ABHD13: variants seen among roughly 807,000 people sequenced by gnomAD.
ABHD13 encodes the protein abhydrolase domain containing 13, also known as protein ABHD13.
In ABHD13, 7 loss-of-function variants were observed where a neutral mutation model predicts 25.2. The observed-to-expected ratio is 0.28, with a 90% CI of 0.16 to 0.52. The LOEUF (loss-of-function observed/expected upper bound fraction) is 0.52. ABHD13 is among the 20% of genes least tolerant of loss of function. The pLI is 0.96. For synonymous variants in ABHD13, 133 were observed against 136.1 expected (o/e 0.98, Z 0.16); for missense variants, 302 against 402.7 (o/e 0.75, Z 2.14).
chr13:108,222,554 C>G (rs1002528468), intron 1 of ABHD13, among the ~76,000 whole-genome samples: 2 of 151,810 alleles, frequency 1.3e-5, no homozygotes, highest in Non-Finnish European at 2.9e-5. Flanking sequence ...GGTCTCAGAC[C>G]GTTTACATTT....
chr13:108,230,404 AT>A lies in ABHD13; in HGVS notation c.*174del, dbSNP rs1879777386. ...ATAGTTTTTTACATTGGAAAAACTA[AT>A]TCTTGGGATTCTTTCATACATTTTC... On this transcript the variant is annotated 3_prime_UTR_variant, in exon 2 of 2. Transcript: ENST00000375898. The A allele has an allele frequency of 1.8e-6, 1 of 564,200 alleles. No homozygotes were observed. The highest frequency in any genetic ancestry group is 1.9e-5 in the African/African-American group (1 of 51,938). 34.9% of individuals were successfully genotyped at this position (564,200 alleles called of 1,614,324 possible). A position where few individuals can be genotyped will look rare whatever the true frequency, so the allele number is the denominator to read the frequency against.
In ABHD13 at chr13:108,230,304, G is replaced by A. The variant is rs1021575243; in HGVS notation, c.*72G>A. On this transcript the variant is annotated 3_prime_UTR_variant, in exon 2 of 2. Transcript: ENST00000375898. ...GATAAAGAATGTTCCTTTTAGAAGT[G>A]TGTTATGTCTGTACCTGTCTGAAGA... 3.8e-6 allele frequency: 5 copies of A among 1,301,656 alleles called. No homozygotes were observed. The highest frequency in any genetic ancestry group is 2.5e-5 in the East Asian group (1 of 39,606). 80.6% of individuals were successfully genotyped at this position (1,301,656 alleles called of 1,614,324 possible).
Position 108,230,280 on chromosome 13 carries a change from A to G in ABHD13, c.*48A>G, listed in dbSNP as rs1161265803. On this transcript the variant is annotated 3_prime_UTR_variant, in exon 2 of 2. Transcript: ENST00000375898. ...ATTGTATTTTAATTTGTGCAGAATG[A>G]TAAAGAATGTTCCTTTTAGAAGTGT... The G allele has an allele frequency of 2.1e-6, 3 of 1,431,176 alleles. No homozygotes were observed. The highest frequency in any genetic ancestry group is 1.9e-6 in the Non-Finnish European group (2 of 1,068,366). The allele number at this position is 1,431,176 out of a possible 1,614,324, so 88.7% of individuals were successfully genotyped here.
rs1179247832 is a variant in ABHD13 at position 108,230,827 on chromosome 13, AT to A, written c.*596del. The A allele has an allele frequency of 6.0e-6, 1 of 166,826 alleles. No homozygotes were observed. The highest frequency in any genetic ancestry group is 1.9e-4 in the East Asian group (1 of 5,204). The allele number at this position is 166,826 out of a possible 1,614,324, so 10.3% of individuals were successfully genotyped here. Reference sequence around the variant, plus strand: ...TTGGCAAGAAGTGAAATTGAGACTTATGTGCAGGTTGCCATTGAATTTTGCT... The same window carrying A: ...TTGGCAAGAAGTGAAATTGAGACTTAGTGCAGGTTGCCATTGAATTTTGCT... On this transcript the variant is annotated 3_prime_UTR_variant, in exon 2 of 2. Transcript: ENST00000375898.
chr13:108,229,202 A>T lies in ABHD13; in HGVS notation c.-17A>T. 4 of 1,523,968 alleles carry T rather than the reference A, an allele frequency of 2.6e-6. No individual in the cohort carries two copies. Among genetic ancestry groups the T allele is most frequent in the Non-Finnish European group, 3.5e-6 (4 of 1,140,336 alleles). 94.4% of individuals were successfully genotyped at this position (1,523,968 alleles called of 1,614,324 possible). Reference sequence around the variant, plus strand: ...TATTCTCCCTCTCTCTCTCTAGGATACTTACAGAGAGCTACAATGGAAAAG... The same window carrying T: ...TATTCTCCCTCTCTCTCTCTAGGATTCTTACAGAGAGCTACAATGGAAAAG... On this transcript the variant is annotated 5_prime_UTR_variant, in exon 2 of 2. Transcript: ENST00000375898. The surrounding 1 kb of genome is among the most constrained non-coding windows in gnomAD (Gnocchi z 4.7).
intron 1 of ABHD13, among the ~76,000 whole-genome samples, chr13:108,222,299 C>A (rs749717062): frequency 5.3e-5 from 8 of 152,008 alleles, no homozygotes; most frequent in Non-Finnish European, 7.4e-5. Context: ...GCAATAATTA[C>A]AATGTATTTA....
chr13:108,218,820 G>C (rs1212755803), intron 1 of ABHD13, among the ~76,000 whole-genome samples, 161 bp downstream of exon 1: 3 of 151,744 alleles, frequency 2.0e-5, no homozygotes. Context: ...CCTGGGGGTC[G>C]TGCGGGGGCC....
chr13:108,225,597 C>G (rs1879656513), intron 1 of ABHD13, among the ~76,000 whole-genome samples: 1 of 152,088 alleles, frequency 6.6e-6, no homozygotes, highest in Non-Finnish European at 1.5e-5. Context: ...AGTCAGTCAG[C>G]AAGTTCTCAG....
At chr13:108,220,183 G>C (rs1879532127) in intron 1 of ABHD13, among the ~76,000 whole-genome samples, 1 of 152,250 alleles carries the variant, frequency 6.6e-6, no homozygotes, top group African/African-American at 2.4e-5. Flanking sequence ...TCAAAACACT[G>C]TCTCCTTTCC....
In ABHD13 at chr13:108,233,413, G is replaced by C. The variant is rs549421433; in HGVS notation, c.*3181G>C. 1.2e-3 allele frequency: 194 copies of C among 166,808 alleles called. No individual in the cohort carries two copies. Among genetic ancestry groups the C allele is most frequent in the Middle Eastern group, 6.8e-3 (2 of 296 alleles). The allele number at this position is 166,808 out of a possible 1,614,324, so 10.3% of individuals were successfully genotyped here. On this transcript the variant is annotated 3_prime_UTR_variant, in exon 2 of 2. Transcript: ENST00000375898. ...TCTCCTTGAGGATAGGGATAGGTAA[G>C]GTAAACTTGTAAAAAGGATGTCACA...
At chr13:108,219,079 TC>T (rs1879476025) in intron 1 of ABHD13, among the ~76,000 whole-genome samples, 1 of 151,598 alleles carries the variant, frequency 6.6e-6, no homozygotes, top group South Asian at 2.1e-4. Context: ...AACCCTCCGC[TC>T]CCCCACCCTC....
At chr13:108,221,344 G>A (rs143572758) in intron 1 of ABHD13, among the ~76,000 whole-genome samples, 2 of 152,270 alleles carry the variant, frequency 1.3e-5, no homozygotes, top group South Asian at 2.1e-4. Flanking sequence ...CAGCTGGCAT[G>A]GTTTCTTAAC....
chr13:108,220,492 T>C (rs1314770077), intron 1 of ABHD13, among the ~76,000 whole-genome samples: 1 of 152,260 alleles, frequency 6.6e-6, no homozygotes, highest in Admixed American at 6.5e-5. Context: ...TTTCTAATCC[T>C]TGTTTAGTTG....
At chr13:108,220,721 A>G (rs571476476) in intron 1 of ABHD13, among the ~76,000 whole-genome samples, 3 of 152,332 alleles carry the variant, frequency 2.0e-5, no homozygotes, top group South Asian at 2.1e-4. Flanking sequence ...GACTACATGC[A>G]TTTATGAGCT....
chr13:108,219,151 GC>G (rs1336517632), intron 1 of ABHD13, among the ~76,000 whole-genome samples: 1 of 152,094 alleles, frequency 6.6e-6, no homozygotes, highest in Non-Finnish European at 1.5e-5. Context: ...GAGAGGGAGA[GC>G]CCCGATCTAA....
At chr13:108,228,659 A>G (rs1248277478) in intron 1 of ABHD13, among the ~76,000 whole-genome samples, 1 of 151,344 alleles carries the variant, frequency 6.6e-6, no homozygotes, top group Non-Finnish European at 1.5e-5. Context: ...TTGCTACCGT[A>G]TGTGAAAAAA....
At chr13:108,228,799 C>T (rs1360551941) in intron 1 of ABHD13, among the ~76,000 whole-genome samples, 1 of 151,664 alleles carries the variant, frequency 6.6e-6, no homozygotes, top group African/African-American at 2.4e-5. Context: ...GCTTGTTTGC[C>T]TCCCAGCTCT....
At chr13:108,219,391 G>C (rs1879493677) in intron 1 of ABHD13, among the ~76,000 whole-genome samples, 1 of 152,184 alleles carries the variant, frequency 6.6e-6, no homozygotes, top group Non-Finnish European at 1.5e-5. Flanking sequence ...GATAGTAACT[G>C]GATAGAAAGA....
chr13:108,226,348 T>A (rs1879670872), intron 1 of ABHD13, among the ~76,000 whole-genome samples: 1 of 152,130 alleles, frequency 6.6e-6, no homozygotes. Flanking sequence ...GACAAGCCAA[T>A]TACAGGTCGT....
Sources: allele counts gnomAD v4.1 joint callset (sites outside exome capture counted in the v4.1 genomes callset), GRCh38; gene constraint gnomAD v4.1.1; non-coding constraint Gnocchi (gnomAD v3.1); transcripts MANE v1.5; gene names NCBI Gene and HGNC (gene_info 2026-07-23, HGNC 2026-07-21).